Variants in MROH1 observed in about 807,000 individuals in gnomAD.
MROH1 encodes the protein maestro heat-like repeat-containing protein family member 1.
MROH1 carries 117 observed loss-of-function variants against 116.5 expected under a neutral mutation model. That is an observed-to-expected ratio of 1.00 (90% CI 0.86 to 1.17). The LOEUF (loss-of-function observed/expected upper bound fraction) is 1.17, where lower values mean the gene tolerates loss of function less well. Among genes scored for constraint, MROH1 ranks in the 50% most tolerant of loss-of-function variants. The pLI is 0.00. For synonymous variants in MROH1, 921 were observed against 583.9 expected, an observed-to-expected ratio of 1.58 and a Z score of -8.32; for missense variants, 1,873 against 1,338.5, an observed-to-expected ratio of 1.40 and a Z score of -6.23.
At chr8:144,156,786 T>C (rs1264298299) in intron 1 of MROH1, among the ~76,000 whole-genome samples, 9 of 147,410 alleles carry the variant, frequency 6.1e-5, no homozygotes, top group Admixed American at 2.7e-4. Flanking sequence ...ATTTCTTTTT[T>C]TTTTTTTTTT....
Position 144,220,607 on chromosome 8 carries a change from G to A in MROH1, c.1149G>A (p.Gln383=). ...CCTGTTTGTTTCTTGCAGCTGCTCA[G>A]ATGGAAGATAAAAAGCCCTTTATCC... The part of the protein sequence containing the change: ...VRHVINSAAA[Q]MEDKKPFILS... Residue 383 remains glutamine, a synonymous_variant, in exon 13 of 44, where the codon CAG becomes CAA. Transcript: ENST00000326134. 1 of 1,573,394 alleles carries A rather than the reference G, an allele frequency of 6.4e-7. No individual in the cohort carries two copies. The highest frequency in any genetic ancestry group is 8.6e-7 in the Non-Finnish European group (1 of 1,159,248).
chr8:144,214,156 T>C (rs1301292229), intron 12 of MROH1: 2 of 152,182 alleles, frequency 1.3e-5, no homozygotes, highest in East Asian at 1.9e-4. Flanking sequence ...CTGCCTGATG[T>C]TGGAGGCTCT....
chr8:144,153,477 G>A (rs1404318440), intron 1 of MROH1, among the ~76,000 whole-genome samples: 1 of 152,098 alleles, frequency 6.6e-6, no homozygotes, highest in Admixed American at 6.6e-5. Flanking sequence ...GATTACAGGT[G>A]TGAGCCACTG....
At chr8:144,215,174 A>G (rs1381856431) in intron 12 of MROH1, among the ~76,000 whole-genome samples, 1 of 152,236 alleles carries the variant, frequency 6.6e-6, no homozygotes, top group Non-Finnish European at 1.5e-5. Context: ...TTAAGTTGAC[A>G]CTCAACTATC....
rs939722770 is a variant in MROH1 at position 144,255,500 on chromosome 8, C to A, written c.3595-9C>A. 176 of 778,410 alleles carry A rather than the reference C, an allele frequency of 2.3e-4. 2 individuals carry two copies. The East Asian group carries it at 3.6e-3, about 16-fold the overall frequency. 48.2% of individuals were successfully genotyped at this position (778,410 alleles called of 1,614,324 possible). A position where few individuals can be genotyped will look rare whatever the true frequency, so the allele number is the denominator to read the frequency against. On this transcript the variant is annotated splice_polypyrimidine_tract_variant and intron_variant, in intron 34 of 43. Transcript: ENST00000326134. ...GGGAGGCATGGCCCTGTGATGACTT[C>A]TCCCCCAGGCTACCTGTGCACTGTT...
chr8:144,240,245 C>T, intron 19 of MROH1, 92 bp downstream of exon 19: 1 of 656,032 alleles, frequency 1.5e-6, no homozygotes, highest in Admixed American at 2.4e-5. Flanking sequence ...CCTGCCTCGA[C>T]CTCACCTCGT....
intron 4 of MROH1, among the ~76,000 whole-genome samples, chr8:144,173,675 G>T (rs565677612): frequency 1.3e-5 from 2 of 152,190 alleles, no homozygotes; most frequent in African/African-American, 4.8e-5. Flanking sequence ...CACCCACCTC[G>T]GCCTCCCAAA....
intron 1 of MROH1, among the ~76,000 whole-genome samples, chr8:144,153,051 C>T (rs983279255): frequency 2.6e-5 from 4 of 152,154 alleles, no homozygotes; most frequent in Admixed American, 6.5e-5. Context: ...CGGTAACCAC[C>T]GTTCTACTCT....
chr8:144,241,235 G>T (rs1476938694), intron 21 of MROH1, 124 bp downstream of exon 21: 1 of 693,126 alleles, frequency 1.4e-6, no homozygotes, highest in African/African-American at 1.8e-5. Context: ...TACACAGGTG[G>T]TGTGCGTATA....
chr8:144,184,252 G>C (rs900765641), intron 7 of MROH1, among the ~76,000 whole-genome samples: 2 of 152,174 alleles, frequency 1.3e-5, no homozygotes, highest in African/African-American at 2.4e-5. Context: ...CCTACTGAAT[G>C]TTTGCGTCCC....
chr8:144,242,479 C>T lies in MROH1; in HGVS notation c.2289C>T (p.Asp763=), dbSNP rs1841177147. ...RELVLAKVES[D]ILRNICQHFS... ...TGGTGCTGGCCAAGGTAGAGTCAGA[C>T]ATCCTCCGGAACATCTGCCAGCACT... is the stretch of plus-strand genomic sequence containing the variant. The change falls in exon 23 of 44, where the codon GAC becomes GAT. Residue 763 remains aspartate (D), a synonymous_variant. Coordinates refer to ENST00000326134, the MANE Select transcript of MROH1 (RefSeq NM_032450.3). 1 of 780,716 alleles carries T rather than the reference C, an allele frequency of 1.3e-6. No individual in the cohort carries two copies. The highest frequency in any genetic ancestry group is 2.4e-6 in the Non-Finnish European group (1 of 417,832). 48.4% of individuals were successfully genotyped at this position (780,716 alleles called of 1,614,324 possible). A position where few individuals can be genotyped will look rare whatever the true frequency, so the allele number is the denominator to read the frequency against.
chr8:144,257,703 G>A (rs1446738818), intron 35 of MROH1, among the ~76,000 whole-genome samples: 1 of 152,232 alleles, frequency 6.6e-6, no homozygotes, highest in Non-Finnish European at 1.5e-5. Context: ...CCACGTCGCA[G>A]CACACCAGGG....
chr8:144,200,618 C>T, intron 12 of MROH1, 77 bp downstream of exon 12: 1 of 1,032,434 alleles, frequency 9.7e-7, no homozygotes, highest in African/African-American at 1.6e-5. Flanking sequence ...GATTGTGTCC[C>T]TCTAAGTGAA....
chr8:144,188,627 C>G (rs775484242), intron 7 of MROH1, among the ~76,000 whole-genome samples: 32 of 152,028 alleles, frequency 2.1e-4, no homozygotes, highest in Non-Finnish European at 4.0e-4. Context: ...CCACCACACC[C>G]AGCTAATTTT....
At chr8:144,203,655 G>A (rs1228044561) in intron 12 of MROH1, among the ~76,000 whole-genome samples, 1 of 152,110 alleles carries the variant, frequency 6.6e-6, no homozygotes, top group African/African-American at 2.4e-5. Flanking sequence ...GGTCCTTGGG[G>A]AAGGGAGCCT....
intron 7 of MROH1, among the ~76,000 whole-genome samples, chr8:144,181,529 T>G (rs1825723821): frequency 6.6e-6 from 1 of 152,200 alleles, no homozygotes; most frequent in Admixed American, 6.5e-5. Flanking sequence ...GGCCCTGCTC[T>G]TTGATAAATG....
intron 14 of MROH1, among the ~76,000 whole-genome samples, chr8:144,224,410 G>A (rs1270517080): frequency 1.3e-5 from 2 of 152,000 alleles, no homozygotes; most frequent in Non-Finnish European, 2.9e-5. Context: ...GGGACTACAG[G>A]CTCATGCCAC....
rs1830537967 is a variant in MROH1, at chr8:144,199,114, TG to T, written c.949-6del. 1 of 1,613,436 alleles carries T rather than the reference TG, an allele frequency of 6.2e-7. No individual in the cohort carries two copies. The highest frequency in any genetic ancestry group is 8.5e-7 in the Non-Finnish European group (1 of 1,179,636). The stretch of plus-strand genomic sequence containing the variant: ...TGGTCTATAACCTCGGCCCCGTTCC[TG>T]GAGCAGATCTGTGTGCCTGTGGAGT... On this transcript the variant is annotated splice_polypyrimidine_tract_variant and splice_region_variant and intron_variant, in intron 10 of 43. Transcript: ENST00000326134.
At chr8:144,255,179 C>T (rs1377555826) in intron 34 of MROH1, among the ~76,000 whole-genome samples, 1 of 150,104 alleles carries the variant, frequency 6.7e-6, no homozygotes, top group Non-Finnish European at 1.5e-5. Context: ...CATGTTTTAT[C>T]CTGCGGAAAA....
Sources: allele counts gnomAD v4.1 joint callset (sites outside exome capture counted in the v4.1 genomes callset), GRCh38; gene constraint gnomAD v4.1.1; transcripts MANE v1.5; gene names NCBI Gene and HGNC (gene_info 2026-07-23, HGNC 2026-07-21).